Variants in NPC1 observed in about 807,000 individuals in gnomAD.
NPC1 encodes the protein Niemann-Pick C1 protein.
NPC1 carries 85 observed loss-of-function variants against 140.4 expected under a neutral mutation model. That is an observed-to-expected ratio of 0.61 (90% CI 0.51 to 0.72). The LOEUF is 0.72. Among genes scored for constraint, NPC1 ranks in the 30% least tolerant of loss-of-function variants. NPC1 has a pLI of 0.00. For missense variants in NPC1, 1,504 were observed against 1,623.8 expected (o/e 0.93, Z 1.27); for synonymous variants, 656 against 624.8 (o/e 1.05, Z -0.74).
In NPC1 at chr18:23,541,409, A is replaced by G; in HGVS notation, c.2270T>C (p.Val757Ala). Residue 757 changes from valine (V) to alanine (A), a missense_variant, in exon 15 of 25, where the codon GTG becomes GCG. By Grantham distance (64) the Val-to-Ala change is moderately conservative. Transcript: ENST00000269228. ...TCCCGCAAAGAGAGAGAAGGTGTGC[A>G]CGGCTGGCATCACGGACAATGCTCC... Reference protein sequence around the residue: ...FLGALSVMPAVHTFSLFAGLA... With the variant: ...FLGALSVMPAAHTFSLFAGLA... The G allele has an allele frequency of 6.2e-7, 1 of 1,614,260 alleles. No homozygotes were observed. The highest frequency in any genetic ancestry group is 8.5e-7 in the Non-Finnish European group (1 of 1,180,042).
Position 23,535,703 on chromosome 18 carries a change from G to A in NPC1, c.3246-3C>T. The A allele has an allele frequency of 6.3e-7, 1 of 1,596,978 alleles. No individual in the cohort carries two copies. Among genetic ancestry groups the A allele is most frequent in the East Asian group, 2.2e-5 (1 of 44,778 alleles). The stretch of plus-strand genomic sequence containing the variant: ...GTTCGTAGAAGACATAAAACACACT[G>A]GAGGGGAGAGGGGAGGCCTCATTAA... On this transcript the variant is annotated splice_polypyrimidine_tract_variant and splice_region_variant and intron_variant, in intron 21 of 24. Transcript: ENST00000269228.
intron 1 of NPC1, among the ~76,000 whole-genome samples, chr18:23,582,848 T>C (rs1460005810): frequency 1.3e-5 from 2 of 148,296 alleles, no homozygotes; most frequent in African/African-American, 5.0e-5. Flanking sequence ...CGGTGGCTCA[T>C]GCTTGTAATC....
chr18:23,576,188 C>T (rs766339566), intron 1 of NPC1, among the ~76,000 whole-genome samples: 1 of 151,992 alleles, frequency 6.6e-6, no homozygotes, highest in African/African-American at 2.4e-5. Flanking sequence ...TGTGCCATTA[C>T]ACTCCAGCCT....
Position 23,533,392 on chromosome 18 carries a change from G to A in NPC1, c.3717C>T (p.His1239=), listed in dbSNP as rs34624018. Reference sequence around the variant, plus strand: ...GTAAGACAGGGAGAAATATTAATCCGTGAGTGGCTCCCAGTAAGACCATGG... The same window carrying A: ...GTAAGACAGGGAGAAATATTAATCCATGAGTGGCTCCCAGTAAGACCATGG... ...YLAMVLLGAT[H]GLIFLPVLLS... is the part of the protein sequence containing the mutation. Residue 1239 remains histidine (H), a synonymous_variant, in exon 24 of 25, where the codon CAC becomes CAT. Transcript: ENST00000269228. The A allele has an allele frequency of 3.1e-4, 505 of 1,614,060 alleles. 3 individuals carry two copies. The Middle Eastern group carries it at 3.6e-3, about 12-fold the overall frequency.
At chr18:23,516,096 G>A (rs571330195) in intron 3 of NPC1, 3 of 1,549,414 alleles carry the variant, frequency 1.9e-6, no homozygotes, top group Non-Finnish European at 2.6e-6. Context: ...GGTTCCTCTA[G>A]CCGTAACGTC....
At chr18:23,516,007 G>T in intron 3 of NPC1, 1 of 1,613,826 alleles carries the variant, frequency 6.2e-7, no homozygotes, top group Non-Finnish European at 8.5e-7. Context: ...GTAAGAGGAA[G>T]CCTCCCCTGA....
downstream of NPC1, chr18:23,519,156 G>C: frequency 6.2e-7 from 1 of 1,614,002 alleles, no homozygotes; most frequent in Non-Finnish European, 8.5e-7. Context: ...TGGTAGTCGT[G>C]CATCATCAGG....
chr18:23,556,116 A>G (rs2058946377), intron 8 of NPC1, 127 bp downstream of exon 8: 1 of 837,258 alleles, frequency 1.2e-6, no homozygotes, highest in Non-Finnish European at 2.0e-6. Context: ...TTGCCATTAT[A>G]CGCTAAGATT....
At chr18:23,540,062 C>A (rs568585518) in intron 17 of NPC1, 61 bp from the exon 18 acceptor site, 2 of 1,449,186 alleles carry the variant, frequency 1.4e-6, no homozygotes, top group African/African-American at 1.4e-5. Context: ...CTAAGCAAGG[C>A]GAGGATCATG....
intron 1 of NPC1, chr18:23,582,053 G>C (rs912531745): frequency 1.3e-5 from 2 of 152,198 alleles, no homozygotes; most frequent in African/African-American, 2.4e-5. Context: ...CAGGAGGAAA[G>C]AGTAGATCAA....
Position 23,561,381 on chromosome 18 carries a change from T to C in NPC1, c.610A>G (p.Thr204Ala), listed in dbSNP as rs1567970363. 2.5e-6 allele frequency: 4 copies of C among 1,614,124 alleles called. No individual in the cohort carries two copies. Among genetic ancestry groups the C allele is most frequent in the East Asian group, 4.5e-5 (2 of 44,878 alleles). ...FNKDNGQAPF[T>A]ITPVFSDFPV... is the part of the protein sequence containing the mutation. Reference sequence around the variant, plus strand: ...CTACCTGAAAACACAGGAGTGATGGTAAAAGGTGCCTGTCCATTGTCCTTA... The same window carrying C: ...CTACCTGAAAACACAGGAGTGATGGCAAAAGGTGCCTGTCCATTGTCCTTA... Residue 204 changes from threonine to alanine, a missense_variant, in exon 5 of 25, where the codon ACC (threonine) becomes GCC (alanine). By Grantham distance (58) the Thr-to-Ala change is moderately conservative. Coordinates refer to ENST00000269228, the MANE Select transcript of NPC1 (RefSeq NM_000271.5).
downstream of NPC1, chr18:23,529,512 C>A: frequency 1.6e-6 from 2 of 1,252,322 alleles, no homozygotes; most frequent in Non-Finnish European, 2.3e-6. Flanking sequence ...GTGTGCAAAA[C>A]CAGTGAAAGA....
Position 23,576,836 on chromosome 18 carries a change from G to A in NPC1, c.58-3262C>T, listed in dbSNP as rs150943965. Reference sequence around the variant, plus strand: ...GAAGCTGCAGATCTTCGCGGTGAGTGTTACAGCTCATAAAAGCAGTGTGGA... The same window carrying A: ...GAAGCTGCAGATCTTCGCGGTGAGTATTACAGCTCATAAAAGCAGTGTGGA... On this transcript the variant is annotated intron_variant, in intron 1 of 24. Transcript: ENST00000269228. 3.1e-3 allele frequency: 514 copies of A among 165,170 alleles called. 2 individuals are homozygous for A. The highest frequency in any genetic ancestry group is 0.012 in the African/African-American group (488 of 41,692). The allele number at this position is 165,170 out of a possible 1,614,324, so 10.2% of individuals were successfully genotyped here. A position where few individuals can be genotyped will look rare whatever the true frequency, so the allele number is the denominator to read the frequency against.
chr18:23,571,301 T>C (rs1599007324), intron 3 of NPC1, among the ~76,000 whole-genome samples: 1 of 149,342 alleles, frequency 6.7e-6, no homozygotes, highest in Admixed American at 6.7e-5. Context: ...GAGGCTAAGG[T>C]GGGAGGATCA....
At position 23,536,745 on chromosome 18, in the gene NPC1, G is replaced by T; in HGVS notation, c.3173C>A (p.Ala1058Asp). The T allele has an allele frequency of 6.2e-7, 1 of 1,614,192 alleles. No homozygotes were observed. The highest frequency in any genetic ancestry group is 8.5e-7 in the Non-Finnish European group (1 of 1,180,042). ...SADFIDALKK[A>D]RLIASNVTET... ...GGTGACATTACTGGCTATAAGTCGG[G>T]CTTTCTTCAGAGCGTCAATAAAGTC... Residue 1058 changes from alanine (A) to aspartate (D), a missense_variant, in exon 21 of 25, where the codon GCC becomes GAC. By Grantham distance (126) the Ala-to-Asp change is moderately radical. Transcript: ENST00000269228.
intron 3 of NPC1, chr18:23,506,996 G>C: frequency 6.2e-7 from 1 of 1,608,910 alleles, no homozygotes; most frequent in East Asian, 2.2e-5. Context: ...GAAGTGAAGT[G>C]CATTAAGTTT....
chr18:23,527,406 A>T (rs115650809), downstream of NPC1, among the ~76,000 whole-genome samples: 519 of 151,408 alleles, frequency 3.4e-3, 3 homozygotes, highest in African/African-American at 0.012. Flanking sequence ...TCCAAAAAAA[A>T]ATAATAATAA....
In NPC1 at chr18:23,586,475, G is replaced by C. The variant is rs1315538375; in HGVS notation, c.-132C>G. On this transcript the variant is annotated 5_prime_UTR_variant, in exon 1 of 25. Transcript: ENST00000269228. ...GGAGGAGCAGGAGCAGGCGCTGACC[G>C]CGGCAGCAGGCTGCGCGCGCCGGTC... is the stretch of plus-strand genomic sequence containing the variant. 4.2e-6 allele frequency: 6 copies of C among 1,434,970 alleles called. No individual in the cohort carries two copies. The highest frequency in any genetic ancestry group is 5.4e-6 in the Non-Finnish European group (6 of 1,102,372). The allele number at this position is 1,434,970 out of a possible 1,614,324, so 88.9% of individuals were successfully genotyped here.
chr18:23,561,324 T>C (rs747709079), intron 5 of NPC1, 36 bp downstream of exon 5: 2 of 1,611,742 alleles, frequency 1.2e-6, no homozygotes, highest in Non-Finnish European at 1.7e-6. Flanking sequence ...TAAAACAATA[T>C]CATAAACACA....
Sources: allele counts gnomAD v4.1 joint callset (sites outside exome capture counted in the v4.1 genomes callset), GRCh38; gene constraint gnomAD v4.1.1; transcripts MANE v1.5; gene names NCBI Gene and HGNC (gene_info 2026-07-23, HGNC 2026-07-21).